DLGAP1: variants seen among roughly 807,000 people sequenced by gnomAD.
DLGAP1 encodes disks large-associated protein 1.
A neutral mutation model predicts 90.8 loss-of-function variants in DLGAP1; 11 were observed. The observed-to-expected ratio is 0.12, with a 90% CI of 0.08 to 0.20. The LOEUF (loss-of-function observed/expected upper bound fraction) is 0.20. DLGAP1 is among the 10% of genes least tolerant of loss of function. DLGAP1 has a pLI of 1.00. For missense variants in DLGAP1, 1,050 were observed against 1,333.8 expected, an observed-to-expected ratio of 0.79 and a Z score of 3.31; for synonymous variants, 558 against 540.7, an observed-to-expected ratio of 1.03 and a Z score of -0.44.
At chr18:4,008,089 G>A (rs1250664779) in intron 2 of DLGAP1, among the ~76,000 whole-genome samples, 2 of 152,026 alleles carry the variant, frequency 1.3e-5, no homozygotes, top group Non-Finnish European at 1.5e-5. Flanking sequence ...CTCACCCACT[G>A]GGATTTTTCC....
intron 7 of DLGAP1, among the ~76,000 whole-genome samples, chr18:3,621,418 C>T (rs924842798): frequency 1.3e-5 from 2 of 152,114 alleles, no homozygotes; most frequent in Non-Finnish European, 2.9e-5. Context: ...CTAAAGTGGC[C>T]TCCTTACATA....
At chr18:4,298,392 G>A (rs2143198658) in intron 1 of DLGAP1, among the ~76,000 whole-genome samples, 1 of 152,268 alleles carries the variant, frequency 6.6e-6, no homozygotes, top group Non-Finnish European at 1.5e-5. Flanking sequence ...TCCCACATCA[G>A]CCCTGGGGAA....
At chr18:4,155,213 T>C (rs1224027560) in intron 1 of DLGAP1, among the ~76,000 whole-genome samples, 2 of 152,070 alleles carry the variant, frequency 1.3e-5, no homozygotes, top group Admixed American at 6.6e-5. Context: ...GGGATTGCAA[T>C]AAAGTCATGG....
rs549489580 is a variant in DLGAP1, at chr18:4,334,749, A to C, written c.-267+120257T>G. Among the ~76,000 whole-genome samples the C allele has an allele frequency of 2.0e-5, 3 of 151,998 alleles. No homozygotes were observed. In the East Asian group the frequency reaches 5.8e-4, roughly 29 times the overall value. ...TGCTACCACACTAATACCACTCCTC[A>C]ACCTCAAACCTGCCTCCACCTGCAT... On this transcript the variant is annotated intron_variant, in intron 1 of 12. Coordinates refer to ENST00000315677, the MANE Select transcript of DLGAP1 (RefSeq NM_004746.4).
chr18:4,382,449 GA>G (rs535072543), intron 1 of DLGAP1, among the ~76,000 whole-genome samples: 14 of 145,580 alleles, frequency 9.6e-5, no homozygotes, highest in African/African-American at 3.0e-4. Flanking sequence ...TTGATCATGA[GA>G]AAAAAAATAA....
chr18:3,539,897 A>G (rs745483134), intron 9 of DLGAP1, among the ~76,000 whole-genome samples: 32 of 152,150 alleles, frequency 2.1e-4, no homozygotes, highest in Non-Finnish European at 4.4e-4. Flanking sequence ...TCATTCACAT[A>G]ATGGCTGCTT....
At chr18:3,953,196 A>G (rs934135408) in intron 3 of DLGAP1, among the ~76,000 whole-genome samples, 2 of 152,096 alleles carry the variant, frequency 1.3e-5, no homozygotes, top group Non-Finnish European at 2.9e-5. Context: ...TTAAATTCCT[A>G]TAAGTTTAGG....
At chr18:3,877,949 A>G (rs1450202826) in intron 4 of DLGAP1, among the ~76,000 whole-genome samples, 1 of 152,298 alleles carries the variant, frequency 6.6e-6, no homozygotes, top group African/African-American at 2.4e-5. Context: ...GAACTCCAAG[A>G]ACAGGCTCTG....
At chr18:3,694,646 ATTTTTTCAT>A (rs1198121336) in intron 7 of DLGAP1, among the ~76,000 whole-genome samples, 1 of 152,104 alleles carries the variant, frequency 6.6e-6, no homozygotes, top group African/African-American at 2.4e-5. Flanking sequence ...GATGATGAAC[ATTTTTTCAT>A]ACGTTTGTTG....
chr18:3,596,758 A>G (rs2056597724), intron 7 of DLGAP1: 2 of 491,304 alleles, frequency 4.1e-6, no homozygotes, highest in Non-Finnish European at 8.0e-6. Context: ...AGGACTAACA[A>G]TCAGGAAGGG....
chr18:3,718,999 C>G (rs901614129), intron 7 of DLGAP1, among the ~76,000 whole-genome samples: 2 of 150,202 alleles, frequency 1.3e-5, no homozygotes, highest in Non-Finnish European at 3.0e-5. Flanking sequence ...AAAATACAAG[C>G]AAATCCAATA....
intron 3 of DLGAP1, among the ~76,000 whole-genome samples, chr18:3,923,908 G>A (rs1599165549): frequency 6.6e-6 from 1 of 152,184 alleles, no homozygotes; most frequent in East Asian, 1.9e-4. Flanking sequence ...TATCTTAAAG[G>A]AGATGGTGCT....
intron 5 of DLGAP1, among the ~76,000 whole-genome samples, chr18:3,790,364 C>A (rs546927964): frequency 6.6e-6 from 1 of 151,594 alleles, no homozygotes; most frequent in South Asian, 2.1e-4. Flanking sequence ...AACTCCTGGG[C>A]TCAAGCAATC....
intron 1 of DLGAP1, among the ~76,000 whole-genome samples, chr18:4,315,996 T>C (rs1185451432): frequency 6.6e-6 from 1 of 152,214 alleles, no homozygotes; most frequent in Non-Finnish European, 1.5e-5. Context: ...GTTCTTGCTA[T>C]AAACACAAAG....
intron 7 of DLGAP1, among the ~76,000 whole-genome samples, chr18:3,635,286 A>T (rs112585970): frequency 1.3e-5 from 2 of 151,808 alleles, no homozygotes; most frequent in Non-Finnish European, 2.9e-5. Flanking sequence ...GCCCGCCACC[A>T]CGCCCGGCTG....
chr18:4,293,009 C>G (rs1043268747), intron 1 of DLGAP1, among the ~76,000 whole-genome samples: 1 of 152,154 alleles, frequency 6.6e-6, no homozygotes, highest in Non-Finnish European at 1.5e-5. Context: ...ACCTATTTAG[C>G]TAAGGCTGTG....
intron 5 of DLGAP1, among the ~76,000 whole-genome samples, chr18:3,762,810 C>A (rs539371095): frequency 2.0e-5 from 3 of 152,296 alleles, no homozygotes; most frequent in Non-Finnish European, 4.4e-5. Context: ...TCAACATTTC[C>A]AGGCTCTCCA....
At chr18:3,521,374 C>A (rs773752836) in intron 10 of DLGAP1, among the ~76,000 whole-genome samples, 1 of 152,186 alleles carries the variant, frequency 6.6e-6, no homozygotes, top group Non-Finnish European at 1.5e-5. Context: ...TAAGCCCCAG[C>A]CCCCTTCAGC....
rs1302153792 is a variant in DLGAP1 at position 3,734,304 on chromosome 18, G to A, written c.1351-4929C>T. On this transcript the variant is annotated intron_variant, in intron 6 of 12. Coordinates refer to ENST00000315677, the MANE Select transcript of DLGAP1 (RefSeq NM_004746.4). The stretch of plus-strand genomic sequence containing the variant: ...GTCTAGCTCTGTTGCCCAGGCTGGA[G>A]TGCAGTGGTGTCATCATAGCTCACT... 1.3e-5 allele frequency among the ~76,000 whole-genome samples: 2 copies of A among 152,006 alleles called. 1 individual carries two copies. Among genetic ancestry groups the A allele is most frequent in the South Asian group, 4.1e-4 (2 of 4,824 alleles).
Sources: gnomAD v4.1 joint callset for allele counts (sites outside exome capture counted in the v4.1 genomes callset) on GRCh38, gnomAD v4.1.1 for gene constraint, MANE v1.5 for transcripts, NCBI Gene and HGNC (gene_info 2026-07-23, HGNC 2026-07-21) for gene names.